The following MSR1 variants were observed in gnomAD, a reference collection of about 807,000 sequenced individuals.
The protein encoded by MSR1 is macrophage scavenger receptor types I and II.
In MSR1, 53 loss-of-function variants were observed where a neutral mutation model predicts 47.2. That is an observed-to-expected ratio of 1.12 (90% CI 0.90 to 1.41). MSR1 has a LOEUF of 1.41. Among genes scored for constraint, MSR1 ranks in the 40% most tolerant of loss-of-function variants. MSR1 has a pLI of 0.00. For synonymous variants in MSR1, 239 were observed against 185.6 expected, an observed-to-expected ratio of 1.29 and a Z score of -2.34; for missense variants, 786 against 546.9, an observed-to-expected ratio of 1.44 and a Z score of -4.36.
At chr8:16,140,413 T>C in intron 8 of MSR1, 1 of 985,550 alleles carries the variant, frequency 1.0e-6, no homozygotes, top group East Asian at 1.1e-4. Context: ...AAATGGATTT[T>C]TCCTATCATT....
At chr8:16,149,528 C>T (rs1396679242) in intron 7 of MSR1, among the ~76,000 whole-genome samples, 3 of 151,870 alleles carry the variant, frequency 2.0e-5, no homozygotes, top group East Asian at 1.9e-4. Flanking sequence ...GCACTTGGCC[C>T]GACTCTATTC....
chr8:16,152,413 A>C lies in MSR1; in HGVS notation c.899-2102T>G, dbSNP rs535215241. On this transcript the variant is annotated intron_variant, in intron 6 of 9. Coordinates refer to ENST00000262101, the MANE Select transcript of MSR1 (RefSeq NM_138715.3). ...ATATACGTGGATATAAACATTAATA[A>C]AATATGGTTCCTCTCTTCCAATATC... Among the ~76,000 whole-genome samples, 6 of 152,164 alleles carry C rather than the reference A, an allele frequency of 3.9e-5. No homozygotes were observed. In the East Asian group the frequency reaches 1.2e-3, roughly 29 times the overall value.
intron 9 of MSR1, 143 bp from the exon 10 acceptor site, chr8:16,110,361 G>T: frequency 1.1e-6 from 1 of 901,304 alleles, no homozygotes; most frequent in East Asian, 2.5e-5. Context: ...TCTCTAGTAG[G>T]AATCAAAAAT....
At chr8:16,158,796 C>A (rs765177286) in intron 5 of MSR1, among the ~76,000 whole-genome samples, 1 of 151,868 alleles carries the variant, frequency 6.6e-6, no homozygotes, top group Non-Finnish European at 1.5e-5. Flanking sequence ...CATTTCTTTC[C>A]TGATCCTATG....
intron 1 of MSR1, among the ~76,000 whole-genome samples, chr8:16,189,135 T>C (rs1802090022): frequency 7.1e-6 from 1 of 140,676 alleles, no homozygotes. Flanking sequence ...AAACCTTATT[T>C]TACATATATT....
At chr8:16,136,504 C>CA (rs1800393024) in intron 8 of MSR1, among the ~76,000 whole-genome samples, 2 of 151,030 alleles carry the variant, frequency 1.3e-5, no homozygotes, top group East Asian at 3.9e-4. Flanking sequence ...GTGATAATTG[C>CA]TTTTTTTTTG....
chr8:16,150,126 G>GTA (rs1554468188), intron 7 of MSR1, 105 bp downstream of exon 7: 138 of 206,074 alleles, frequency 6.7e-4, no homozygotes, highest in African/African-American at 4.5e-3. Flanking sequence ...ATGTGTGTGT[G>GTA]TATGTGTGTG....
At chr8:16,175,884 A>C (rs1801631378) in intron 2 of MSR1, among the ~76,000 whole-genome samples, 1 of 152,192 alleles carries the variant, frequency 6.6e-6, no homozygotes, top group South Asian at 2.1e-4. Context: ...AGAATGGATC[A>C]ATGAAGCCCA....
chr8:16,146,744 T>G (rs1008756783), intron 7 of MSR1, among the ~76,000 whole-genome samples: 1 of 152,156 alleles, frequency 6.6e-6, no homozygotes. Context: ...TAAAGCTTTA[T>G]GCTATGCCCC....
chr8:16,154,269 T>G (rs1054152469), intron 6 of MSR1, among the ~76,000 whole-genome samples: 1 of 151,980 alleles, frequency 6.6e-6, no homozygotes, highest in Non-Finnish European at 1.5e-5. Flanking sequence ...CTACTTATAA[T>G]TAGACCTTGC....
chr8:16,179,014 T>C (rs771727715), intron 1 of MSR1, among the ~76,000 whole-genome samples: 23 of 152,226 alleles, frequency 1.5e-4, no homozygotes, highest in Non-Finnish European at 2.8e-4. Flanking sequence ...GTTTTAACTT[T>C]CACGTAAAAA....
At chr8:16,139,235 T>C in intron 8 of MSR1, 1 of 980,942 alleles carries the variant, frequency 1.0e-6, no homozygotes, top group Non-Finnish European at 1.2e-6. Flanking sequence ...TCACTCCTAT[T>C]CTGATTACAG....
intron 1 of MSR1, among the ~76,000 whole-genome samples, chr8:16,188,334 T>C (rs1283230547): frequency 2.0e-5 from 3 of 151,994 alleles, no homozygotes; most frequent in Non-Finnish European, 4.4e-5. Context: ...ATCACCCTAA[T>C]AAAGGAAAAA....
intron 3 of MSR1, among the ~76,000 whole-genome samples, chr8:16,174,146 T>G (rs988026447): frequency 6.6e-6 from 1 of 152,176 alleles, no homozygotes; most frequent in Non-Finnish European, 1.5e-5. Context: ...TAAGGGTGTA[T>G]TATTGTTTTC....
chr8:16,114,334 T>C (rs118127917), intron 9 of MSR1, among the ~76,000 whole-genome samples: 3,858 of 152,246 alleles, frequency 0.025, 82 homozygotes, highest in Middle Eastern at 0.085. Context: ...AAATGGCATT[T>C]ATGTTTATAT....
At chr8:16,173,885 G>A (rs981039123) in intron 3 of MSR1, among the ~76,000 whole-genome samples, 20 of 152,032 alleles carry the variant, frequency 1.3e-4, no homozygotes, top group Non-Finnish European at 2.8e-4. Context: ...TCCTGACCTC[G>A]TGATCTGCCC....
rs1189496442 is a variant in MSR1 at position 16,108,924 on chromosome 8, T to C, written c.*1161A>G. 1 of 152,074 alleles carries C rather than the reference T, an allele frequency of 6.6e-6. No individual in the cohort carries two copies. The highest frequency in any genetic ancestry group is 1.5e-5 in the Non-Finnish European group (1 of 68,000). The allele number at this position is 152,074 out of a possible 1,614,324, so 9.4% of individuals were successfully genotyped here. On this transcript the variant is annotated 3_prime_UTR_variant, in exon 10 of 10. Coordinates refer to ENST00000262101, the MANE Select transcript of MSR1 (RefSeq NM_138715.3). ...AGTTTACAATTACTTTTTTTGTGAA[T>C]TAGTCATAGGAAACTTCAGAATTCT...
intron 8 of MSR1, chr8:16,139,633 C>CT: frequency 1.0e-6 from 1 of 971,064 alleles, no homozygotes; most frequent in Non-Finnish European, 1.2e-6. Context: ...TATTGGTATT[C>CT]TTTTTCATGA....
chr8:16,183,218 C>T (rs2117225661), intron 1 of MSR1, among the ~76,000 whole-genome samples: 1 of 152,216 alleles, frequency 6.6e-6, no homozygotes, highest in African/African-American at 2.4e-5. Context: ...TTGAGATATT[C>T]TGCCTCCATT....
Sources: allele counts gnomAD v4.1 joint callset (sites outside exome capture counted in the v4.1 genomes callset), GRCh38; gene constraint gnomAD v4.1.1; transcripts MANE v1.5; gene names NCBI Gene and HGNC (gene_info 2026-07-23, HGNC 2026-07-21).